Variants in ZBTB20 observed in about 807,000 individuals in gnomAD.
ZBTB20 encodes zinc finger and BTB domain containing 20.
A neutral mutation model predicts 56.9 loss-of-function variants in ZBTB20; 9 were observed. The ratio of observed to expected loss-of-function variants is 0.16; its 90% CI spans 0.10 to 0.28. The LOEUF (loss-of-function observed/expected upper bound fraction) is 0.28. Among genes scored for constraint, ZBTB20 ranks in the 10% least tolerant of loss-of-function variants. ZBTB20 has a pLI of 1.00. For missense variants in ZBTB20, 655 were observed against 1,003.0 expected (o/e 0.65, Z 4.69); for synonymous variants, 417 against 420.7 (o/e 0.99, Z 0.11).
At chr3:114,465,014 C>T (rs769351467) in intron 7 of ZBTB20, among the ~76,000 whole-genome samples, 1 of 151,094 alleles carries the variant, frequency 6.6e-6, no homozygotes, top group Non-Finnish European at 1.5e-5. Context: ...ACACTCCCTT[C>T]AAATAGAACT....
At chr3:114,775,688 T>C (rs1156426216) in intron 5 of ZBTB20, among the ~76,000 whole-genome samples, 4 of 152,210 alleles carry the variant, frequency 2.6e-5, no homozygotes, top group Non-Finnish European at 5.9e-5. Context: ...GCCACCTTTC[T>C]GCAATGTCCC....
intron 3 of ZBTB20, among the ~76,000 whole-genome samples, chr3:114,909,285 A>C (rs1020526158): frequency 6.6e-6 from 1 of 152,054 alleles, no homozygotes; most frequent in Non-Finnish European, 1.5e-5. Context: ...AAAAAAATTA[A>C]ATGGAAAAAA....
intron 6 of ZBTB20, among the ~76,000 whole-genome samples, chr3:114,593,120 C>T (rs1019411553): frequency 1.3e-5 from 2 of 152,116 alleles, no homozygotes; most frequent in Admixed American, 6.5e-5. Flanking sequence ...AAAGGAACAA[C>T]GACACTGTCC....
In ZBTB20 at chr3:114,338,565, C is replaced by G. The variant is rs2079541533; in HGVS notation, c.*440G>C. ...GCGGCCAGAATTGTGAAAATGTCCA[C>G]TGAAACACTGCAAGCGGTGTACTTA... On this transcript the variant is annotated 3_prime_UTR_variant, in exon 12 of 12. Transcript: ENST00000675478. The G allele has an allele frequency of 6.5e-6, 1 of 153,166 alleles. No homozygotes were observed. The highest frequency in any genetic ancestry group is 6.5e-5 in the Admixed American group (1 of 15,292). The allele number at this position is 153,166 out of a possible 1,614,324, so 9.5% of individuals were successfully genotyped here. A position where few individuals can be genotyped will look rare whatever the true frequency, so the allele number is the denominator to read the frequency against.
rs574904436 is a variant in ZBTB20, at chr3:114,411,216, A to G, written c.-254-22111T>C. 1.1e-4 allele frequency among the ~76,000 whole-genome samples: 17 copies of G among 152,288 alleles called. 1 individual carries two copies. Among genetic ancestry groups the G allele is most frequent in the Admixed American group, 1.1e-3 (17 of 15,302 alleles). On this transcript the variant is annotated intron_variant, in intron 7 of 11. Transcript: ENST00000675478. ...GGATGCACCAGTCACCTCCTTCCCC[A>G]CACCCTTCAACAGCACAGAGCTCTG...
At chr3:114,547,626 G>A (rs1316468139) in intron 6 of ZBTB20, among the ~76,000 whole-genome samples, 1 of 152,150 alleles carries the variant, frequency 6.6e-6, no homozygotes, top group African/African-American at 2.4e-5. Context: ...GTATGCATGT[G>A]AATGCATGTG....
intron 7 of ZBTB20, among the ~76,000 whole-genome samples, chr3:114,434,881 A>AG (rs1370545998): frequency 6.6e-6 from 1 of 152,136 alleles, no homozygotes; most frequent in Non-Finnish European, 1.5e-5. Flanking sequence ...TCCCATAGAA[A>AG]GGTGTCTGGC....
At chr3:114,970,741 G>T (rs370484014) in intron 3 of ZBTB20, among the ~76,000 whole-genome samples, 8 of 152,058 alleles carry the variant, frequency 5.3e-5, no homozygotes, top group Admixed American at 5.2e-4. Context: ...TGCAGCCGGG[G>T]GCGGTGGCTC....
chr3:114,872,897 A>G (rs943919811), intron 4 of ZBTB20, among the ~76,000 whole-genome samples: 2 of 152,176 alleles, frequency 1.3e-5, no homozygotes, highest in African/African-American at 4.8e-5. Flanking sequence ...AAAGTCCCAA[A>G]GAACTCTGTA....
chr3:114,931,021 T>C (rs527305526), intron 3 of ZBTB20: 1 of 175,776 alleles, frequency 5.7e-6, no homozygotes, highest in South Asian at 1.5e-4. Flanking sequence ...GACGGGAGAG[T>C]GCTCCCTTAG....
intron 6 of ZBTB20, among the ~76,000 whole-genome samples, chr3:114,672,672 T>C (rs976179926): frequency 3.9e-5 from 6 of 152,192 alleles, no homozygotes; most frequent in African/African-American, 9.6e-5. Context: ...CCTGTTGTAT[T>C]GGCTTCTCTG....
intron 1 of ZBTB20, among the ~76,000 whole-genome samples, chr3:115,125,510 T>C (rs1003580489): frequency 2.0e-4 from 30 of 152,254 alleles, no homozygotes; most frequent in African/African-American, 7.2e-4. Context: ...CTCACTCATG[T>C]GGGAGCTAAA....
At chr3:114,782,352 T>G (rs1397339284) in intron 5 of ZBTB20, among the ~76,000 whole-genome samples, 1 of 152,296 alleles carries the variant, frequency 6.6e-6, no homozygotes, top group East Asian at 1.9e-4. Flanking sequence ...GGGGAGGCTA[T>G]TGATTTTAAA....
intron 1 of ZBTB20, among the ~76,000 whole-genome samples, chr3:115,107,011 T>C (rs1260502035): frequency 2.6e-5 from 4 of 152,178 alleles, no homozygotes; most frequent in African/African-American, 4.8e-5. Context: ...AACAAGTAAA[T>C]AGCATTTCAA....
chr3:114,512,363 C>A (rs921271336), intron 6 of ZBTB20, among the ~76,000 whole-genome samples: 5 of 151,946 alleles, frequency 3.3e-5, no homozygotes, highest in Admixed American at 2.0e-4. Flanking sequence ...ATAGTTTTCC[C>A]GAGTCTATTA....
At chr3:114,379,666 G>A (rs910876279) in intron 10 of ZBTB20, among the ~76,000 whole-genome samples, 1 of 152,010 alleles carries the variant, frequency 6.6e-6, no homozygotes, top group East Asian at 1.9e-4. Flanking sequence ...GTGAAGTCTG[G>A]GTGGCTTCTG....
intron 6 of ZBTB20, among the ~76,000 whole-genome samples, chr3:114,571,790 C>A (rs1264558092): frequency 6.6e-6 from 1 of 152,154 alleles, no homozygotes; most frequent in Non-Finnish European, 1.5e-5. Flanking sequence ...GAATTAGTAT[C>A]TCTTGAGGTG....
chr3:114,593,937 A>T (rs981192168), intron 6 of ZBTB20, among the ~76,000 whole-genome samples: 21 of 152,152 alleles, frequency 1.4e-4, no homozygotes, highest in African/African-American at 5.1e-4. Flanking sequence ...TCAGACAGCT[A>T]CTTCTTTTTT....
chr3:115,078,190 C>T lies in ZBTB20; in HGVS notation c.-702-6776G>A, dbSNP rs142202687. Among the ~76,000 whole-genome samples, 129 of 152,224 alleles carry T rather than the reference C, an allele frequency of 8.5e-4. No homozygotes were observed. In the Middle Eastern group the frequency reaches 0.017, roughly 20 times the overall value. ...TTAAATATAGAGACAATTCATATAA[C>T]TAATCTTGTTATTTGTATATCTCAC... On this transcript the variant is annotated intron_variant, in intron 1 of 11. Transcript: ENST00000675478.
Sources: allele counts gnomAD v4.1 joint callset (sites outside exome capture counted in the v4.1 genomes callset), GRCh38; gene constraint gnomAD v4.1.1; transcripts MANE v1.5; gene names NCBI Gene and HGNC (gene_info 2026-07-23, HGNC 2026-07-21).